DIP2C: variants seen among roughly 807,000 people sequenced by gnomAD.
The protein encoded by DIP2C is disco-interacting protein 2 homolog C.
In DIP2C, 33 loss-of-function variants were observed where a neutral mutation model predicts 192.4. That is an observed-to-expected ratio of 0.17 (90% CI 0.13 to 0.23). DIP2C has a LOEUF of 0.23. Among genes scored for constraint, DIP2C ranks in the 10% least tolerant of loss-of-function variants. The probability of loss-of-function intolerance (pLI) is 1.00; values close to 1 mark genes in which losing one functional copy is unlikely to be tolerated. For missense variants in DIP2C, 1,537 were observed against 2,110.1 expected (o/e 0.73, Z 5.32); for synonymous variants, 979 against 864.1 (o/e 1.13, Z -2.33).
chr10:511,934 T>G (rs1846038963), intron 1 of DIP2C, among the ~76,000 whole-genome samples: 1 of 152,230 alleles, frequency 6.6e-6, no homozygotes, highest in African/African-American at 2.4e-5. Context: ...CAGCTGCTGC[T>G]GCCTGGCTGG....
Position 472,425 on chromosome 10 carries a change from C to A in DIP2C, c.268+14G>T. 2 of 1,611,712 alleles carry A rather than the reference C, an allele frequency of 1.2e-6. No homozygotes were observed. The highest frequency in any genetic ancestry group is 2.2e-5 in the South Asian group (2 of 90,986). ...GGCAGATGGACGTATTGTATCACCCCACCCCGTGCTTACCTGACCGATAGC... is the reference window on the plus strand; with the variant it reads ...GGCAGATGGACGTATTGTATCACCCAACCCCGTGCTTACCTGACCGATAGC... On this transcript the variant is annotated intron_variant, in intron 3 of 36. Transcript: ENST00000280886.
Position 389,832 on chromosome 10 carries a change from G to A in DIP2C, c.1597+159C>T, listed in dbSNP as rs1196560285. ...CCAGTCTGTAGTATTTGCTATGGTA[G>A]GCTGAGCTGATATCCTAACTCAACA... On this transcript the variant is annotated intron_variant, in intron 13 of 36. Transcript: ENST00000280886. Among the ~76,000 whole-genome samples the A allele has an allele frequency of 3.3e-5, 5 of 152,240 alleles. No individual in the cohort carries two copies. The East Asian group carries it at 9.6e-4, about 29-fold the overall frequency.
chr10:370,552 G>C (rs1289469664), intron 17 of DIP2C, among the ~76,000 whole-genome samples: 1 of 152,210 alleles, frequency 6.6e-6, no homozygotes, highest in East Asian at 1.9e-4. Context: ...AGCGGCCACA[G>C]TTTGTTTTGC....
intron 13 of DIP2C, among the ~76,000 whole-genome samples, chr10:389,565 C>T (rs575759212): frequency 8.7e-4 from 132 of 152,310 alleles, no homozygotes; most frequent in African/African-American, 2.8e-3. Context: ...AGCTCCACGG[C>T]GTTAACAGCG....
chr10:278,563 G>A (rs1225358522), intron 36 of DIP2C, among the ~76,000 whole-genome samples: 2 of 152,240 alleles, frequency 1.3e-5, no homozygotes, highest in African/African-American at 4.8e-5. Context: ...CCCCTTGAAC[G>A]CAGATGTGGG....
rs191184672 is a variant in DIP2C, at chr10:539,619, T to C, written c.86-53089A>G. Among the ~76,000 whole-genome samples, 124 of 152,378 alleles carry C rather than the reference T, an allele frequency of 8.1e-4. 3 individuals are homozygous for C. In the South Asian group the frequency reaches 8.3e-3, roughly 10 times the overall value. On this transcript the variant is annotated intron_variant, in intron 1 of 36. Coordinates refer to ENST00000280886, the MANE Select transcript of DIP2C (RefSeq NM_014974.3). ...TTATGTACTAAATCTAATCTTTTGT[T>C]AAGAAATTACTGTGTGTCACGTGTA...
intron 17 of DIP2C, among the ~76,000 whole-genome samples, chr10:373,874 CTTTG>C (rs1475831697): frequency 2.0e-5 from 3 of 152,228 alleles, no homozygotes; most frequent in Admixed American, 6.5e-5. Context: ...ACACCTGTTT[CTTTG>C]TTTGATCACC....
intron 1 of DIP2C, among the ~76,000 whole-genome samples, chr10:561,050 C>T (rs1302514594): frequency 1.3e-5 from 2 of 152,138 alleles, no homozygotes; most frequent in African/African-American, 4.8e-5. Flanking sequence ...CAGTTGTCCC[C>T]GCGTTTCCAG....
At chr10:418,333 C>CA (rs1965940195) in intron 6 of DIP2C, among the ~76,000 whole-genome samples, 1 of 151,726 alleles carries the variant, frequency 6.6e-6, no homozygotes, top group Non-Finnish European at 1.5e-5. Context: ...CTGTGCCTGT[C>CA]GGGGCTCTGA....
intron 1 of DIP2C, among the ~76,000 whole-genome samples, chr10:621,760 G>A (rs1853866488): frequency 6.6e-6 from 1 of 152,202 alleles, no homozygotes; most frequent in African/African-American, 2.4e-5. Flanking sequence ...GACGGCAGGA[G>A]CTCATGCCAA....
intron 3 of DIP2C, among the ~76,000 whole-genome samples, chr10:470,417 C>G: frequency 6.6e-6 from 1 of 152,198 alleles, no homozygotes; most frequent in East Asian, 1.9e-4. Flanking sequence ...CTCAGCCACC[C>G]CCTCTGCCAT....
chr10:307,100 C>T (rs1458455425), intron 32 of DIP2C, among the ~76,000 whole-genome samples: 1 of 152,218 alleles, frequency 6.6e-6, no homozygotes, highest in African/African-American at 2.4e-5. Flanking sequence ...TTTCCCTCCA[C>T]CATGAGTGAA....
At chr10:459,493 GAC>G (rs1349166495) in intron 3 of DIP2C, among the ~76,000 whole-genome samples, 2 of 152,232 alleles carry the variant, frequency 1.3e-5, no homozygotes, top group Non-Finnish European at 2.9e-5. Context: ...TTCATCAAAA[GAC>G]ACAGCAGTAG....
chr10:289,377 T>TC (rs1955358030), intron 32 of DIP2C, among the ~76,000 whole-genome samples: 1 of 151,984 alleles, frequency 6.6e-6, no homozygotes, highest in African/African-American at 2.4e-5. Context: ...CAAGCAATCC[T>TC]CCCACCTCAG....
intron 3 of DIP2C, among the ~76,000 whole-genome samples, chr10:467,593 A>G (rs1019709246): frequency 3.6e-4 from 54 of 150,610 alleles, no homozygotes; most frequent in African/African-American, 1.3e-3. Flanking sequence ...AAAATGTGGC[A>G]TATATATACC....
intron 22 of DIP2C, among the ~76,000 whole-genome samples, chr10:358,326 G>A (rs562212920): frequency 2.0e-5 from 3 of 151,278 alleles, no homozygotes; most frequent in African/African-American, 4.9e-5. Flanking sequence ...CCGTCTGTTC[G>A]AGTTCTCTGG....
intron 1 of DIP2C, chr10:668,738 C>T (rs1857266648): frequency 6.6e-6 from 1 of 152,210 alleles, no homozygotes; most frequent in South Asian, 2.1e-4. Flanking sequence ...TAAAGTATGA[C>T]AAAAGCTTTT....
chr10:380,495 T>TA (rs1173634208), intron 17 of DIP2C, among the ~76,000 whole-genome samples: 2 of 152,168 alleles, frequency 1.3e-5, no homozygotes, highest in African/African-American at 4.8e-5. Context: ...GGATGATGGT[T>TA]AACACGCAGG....
At chr10:484,164 C>T (rs1843826839) in intron 2 of DIP2C, among the ~76,000 whole-genome samples, 2 of 152,352 alleles carry the variant, frequency 1.3e-5, no homozygotes, top group East Asian at 1.9e-4. Flanking sequence ...GAACCTAAAA[C>T]TTCCACCTGC....
Sources: gnomAD v4.1 joint callset for allele counts (sites outside exome capture counted in the v4.1 genomes callset) on GRCh38, gnomAD v4.1.1 for gene constraint, MANE v1.5 for transcripts, NCBI Gene and HGNC (gene_info 2026-07-23, HGNC 2026-07-21) for gene names.